SPPL2A: variants seen among roughly 807,000 people sequenced by gnomAD.
SPPL2A encodes the protein signal peptide peptidase like 2A, also known as signal peptide peptidase-like 2A.
In SPPL2A, 51 loss-of-function variants were observed where a neutral mutation model predicts 63.8. The ratio of observed to expected loss-of-function variants is 0.80; its 90% CI spans 0.64 to 1.01. The LOEUF is 1.01. Ranked by LOEUF, SPPL2A falls within the 50% of genes least tolerant of loss-of-function variation. SPPL2A has a pLI of 0.00. For missense variants in SPPL2A, 553 were observed against 622.7 expected, an observed-to-expected ratio of 0.89 and a Z score of 1.19; for synonymous variants, 188 against 205.8, an observed-to-expected ratio of 0.91 and a Z score of 0.74.
At chr15:50,726,467 G>A in intron 10 of SPPL2A, 90 bp from the exon 11 acceptor site, 1 of 1,202,958 alleles carries the variant, frequency 8.3e-7, no homozygotes. Flanking sequence ...ATGGCATATG[G>A]CCAGTTACAC....
intron 14 of SPPL2A, among the ~76,000 whole-genome samples, chr15:50,717,947 C>CCTCACT (rs2062609961): frequency 7.1e-6 from 1 of 140,868 alleles, no homozygotes; most frequent in Non-Finnish European, 1.6e-5. Flanking sequence ...TATGTCTATT[C>CCTCACT]CTCACTAGAC....
intron 1 of SPPL2A, 103 bp downstream of exon 1, chr15:50,765,365 G>C (rs1186323995): frequency 7.3e-6 from 6 of 819,974 alleles, no homozygotes; most frequent in Non-Finnish European, 1.1e-5. Context: ...GCGGAGGTGC[G>C]GGCAGAGGGG....
chr15:50,713,157 G>A (rs1225929357), intron 14 of SPPL2A, among the ~76,000 whole-genome samples: 1 of 151,908 alleles, frequency 6.6e-6, no homozygotes, highest in Non-Finnish European at 1.5e-5. Flanking sequence ...TTAAATGTTG[G>A]ACATAAACAA....
At chr15:50,719,910 T>C (rs2062630964) in intron 14 of SPPL2A, 30 bp downstream of exon 14, 2 of 1,561,788 alleles carry the variant, frequency 1.3e-6, no homozygotes, top group South Asian at 1.2e-5. Context: ...AGCCATAAGA[T>C]AACTTGGTAA....
intron 9 of SPPL2A, among the ~76,000 whole-genome samples, chr15:50,731,343 C>T (rs139539934): frequency 0.021 from 3,179 of 151,550 alleles, 122 homozygotes; most frequent in African/African-American, 0.074. Context: ...GTCAAGAGTT[C>T]GAGACCAGCC....
At position 50,703,977 on chromosome 15, in the gene SPPL2A, G is replaced by A. The variant is rs1329955444; in HGVS notation, c.*3823C>T. On this transcript the variant is annotated 3_prime_UTR_variant, in exon 15 of 15. Coordinates refer to ENST00000261854, the MANE Select transcript of SPPL2A (RefSeq NM_032802.4). ...CAAGTAAAATATAAGAATGCCAATA[G>A]CAGATGGGTTAAAATTCTCTTTAAA... The A allele has an allele frequency of 1.3e-5, 2 of 152,062 alleles. No homozygotes were observed. The highest frequency in any genetic ancestry group is 1.3e-4 in the Admixed American group (2 of 15,232). The allele number at this position is 152,062 out of a possible 1,614,324, so 9.4% of individuals were successfully genotyped here. A position where few individuals can be genotyped will look rare whatever the true frequency, so the allele number is the denominator to read the frequency against.
At chr15:50,733,912 C>T (rs1223831175) in intron 8 of SPPL2A, among the ~76,000 whole-genome samples, 1 of 151,956 alleles carries the variant, frequency 6.6e-6, no homozygotes, top group East Asian at 1.9e-4. Context: ...TGAAAAAATG[C>T]TCAACATCTC....
chr15:50,746,385 C>T (rs1298964918), intron 5 of SPPL2A, among the ~76,000 whole-genome samples: 1 of 142,808 alleles, frequency 7.0e-6, no homozygotes, highest in African/African-American at 2.6e-5. Context: ...TTTCAGTGAG[C>T]CAAGATCGCA....
intron 14 of SPPL2A, among the ~76,000 whole-genome samples, chr15:50,711,173 ATAATTTACAATTAG>A (rs1210285456): frequency 6.6e-6 from 1 of 151,854 alleles, no homozygotes; most frequent in Admixed American, 6.6e-5. Context: ...GCTGTAGAAA[ATAATTTACAATTAG>A]TATTTCCAAA....
At chr15:50,729,488 C>T (rs72742309) in intron 10 of SPPL2A, among the ~76,000 whole-genome samples, 26,024 of 152,012 alleles carry the variant, frequency 0.17, 2,823 homozygotes, top group East Asian at 0.36. Context: ...GGTATAATGG[C>T]GTGTCCCTGT....
chr15:50,719,024 T>G (rs1036566394), intron 14 of SPPL2A, among the ~76,000 whole-genome samples: 1 of 152,120 alleles, frequency 6.6e-6, no homozygotes, highest in Non-Finnish European at 1.5e-5. Context: ...TTCCCAACTC[T>G]TCTTAATTTC....
intron 1 of SPPL2A, among the ~76,000 whole-genome samples, chr15:50,764,762 T>C (rs935269166): frequency 2.0e-5 from 3 of 152,246 alleles, no homozygotes; most frequent in Admixed American, 2.0e-4. Flanking sequence ...TGAAAACAAA[T>C]CTATGAACAC....
At chr15:50,750,821 A>C (rs1048842046) in intron 1 of SPPL2A, among the ~76,000 whole-genome samples, 3 of 152,228 alleles carry the variant, frequency 2.0e-5, no homozygotes, top group Admixed American at 6.5e-5. Context: ...TCGTCCTCTG[A>C]GCAAATCTTT....
chr15:50,740,181 C>CA (rs2062807279), intron 5 of SPPL2A, among the ~76,000 whole-genome samples: 1 of 151,960 alleles, frequency 6.6e-6, no homozygotes, highest in South Asian at 2.1e-4. Flanking sequence ...GTAATCCCAG[C>CA]ACTTTGGGAG....
Position 50,728,818 on chromosome 15 carries a change from T to TA in SPPL2A, c.1089+2146_1089+2147insT, listed in dbSNP as rs35415784. ...CCACCACACCTGGCTGATTATTGTA[T>TA]TTTTTTTTTTTTTTGAGATGGAGTC... is the stretch of plus-strand genomic sequence containing the variant. On this transcript the variant is annotated intron_variant, in intron 10 of 14. Transcript: ENST00000261854. 3.4e-3 allele frequency among the ~76,000 whole-genome samples: 189 copies of TA among 55,158 alleles called. 1 individual carries two copies. The highest frequency in any genetic ancestry group is 0.018 in the African/African-American group (186 of 10,518). 36.2% of individuals were successfully genotyped at this position (55,158 alleles called of 152,430 possible).
chr15:50,730,597 A>G (rs1282246277), intron 10 of SPPL2A, among the ~76,000 whole-genome samples: 1 of 152,174 alleles, frequency 6.6e-6, no homozygotes. Flanking sequence ...ACAGAGCTAC[A>G]TTCTAGGCCT....
At chr15:50,716,778 C>A (rs1385651886) in intron 14 of SPPL2A, among the ~76,000 whole-genome samples, 1 of 152,186 alleles carries the variant, frequency 6.6e-6, no homozygotes, top group Admixed American at 6.5e-5. Context: ...GCTCACAGGC[C>A]TGTCCTGAGT....
intron 10 of SPPL2A, among the ~76,000 whole-genome samples, chr15:50,729,259 A>C (rs2062712223): frequency 6.6e-6 from 1 of 152,246 alleles, no homozygotes; most frequent in Admixed American, 6.5e-5. Context: ...GGCCAAATTA[A>C]CAAGTTTAGT....
At chr15:50,757,410 T>A (rs978072466) in intron 1 of SPPL2A, among the ~76,000 whole-genome samples, 1 of 152,096 alleles carries the variant, frequency 6.6e-6, no homozygotes, top group Non-Finnish European at 1.5e-5. Context: ...CTCTTCTAAA[T>A]ACTCCCAATT....
Sources: gnomAD v4.1 joint callset for allele counts (sites outside exome capture counted in the v4.1 genomes callset) on GRCh38, gnomAD v4.1.1 for gene constraint, MANE v1.5 for transcripts, NCBI Gene and HGNC (gene_info 2026-07-23, HGNC 2026-07-21) for gene names.